The following NETO2 variants were observed in gnomAD, a reference collection of about 807,000 sequenced individuals.
The protein encoded by NETO2 is neuropilin and tolloid like 2, also known as neuropilin and tolloid-like protein 2.
NETO2 carries 28 observed loss-of-function variants against 62.5 expected under a neutral mutation model. The observed-to-expected ratio is 0.45, with a 90% CI of 0.33 to 0.61. The LOEUF (loss-of-function observed/expected upper bound fraction) is 0.61. Among genes scored for constraint, NETO2 ranks in the 20% least tolerant of loss-of-function variants. NETO2 has a pLI of 0.02. For missense variants in NETO2, 548 were observed against 643.2 expected, an observed-to-expected ratio of 0.85 and a Z score of 1.60; for synonymous variants, 214 against 219.1, an observed-to-expected ratio of 0.98 and a Z score of 0.21.
intron 6 of NETO2, among the ~76,000 whole-genome samples, chr16:47,111,057 G>C (rs1263172931): frequency 1.3e-5 from 2 of 152,186 alleles, no homozygotes; most frequent in African/African-American, 2.4e-5. Flanking sequence ...GTTCTCATTA[G>C]TTTTCCATCA....
rs1964070617 is a variant in NETO2, at chr16:47,122,919, C to T, written c.482-7G>A. On this transcript the variant is annotated splice_region_variant and splice_polypyrimidine_tract_variant and intron_variant, in intron 4 of 8. Transcript: ENST00000562435. ...AGGTAAGTAAAGTCTGGATCTGTAA[C>T]AGAAAAAAGAAGAAAGTCATTGGTA... The T allele has an allele frequency of 1.2e-6, 2 of 1,612,126 alleles. No homozygotes were observed. The highest frequency in any genetic ancestry group is 2.7e-5 in the African/African-American group (2 of 74,792).
At chr16:47,132,106 C>A in intron 1 of NETO2, 81 bp from the exon 2 acceptor site, 11 of 1,055,246 alleles carry the variant, frequency 1.0e-5, no homozygotes, top group Admixed American at 8.2e-5. Context: ...AATTGGATGA[C>A]AAAAAAAGAT....
chr16:47,089,551 C>CTTT (rs1555495884), intron 7 of NETO2, among the ~76,000 whole-genome samples: 1 of 152,186 alleles, frequency 6.6e-6, no homozygotes, highest in Non-Finnish European at 1.5e-5. Flanking sequence ...TATCCAGAGA[C>CTTT]TGCTAACCTG....
intron 2 of NETO2, among the ~76,000 whole-genome samples, chr16:47,130,848 C>CTG (rs1430676442): frequency 6.6e-6 from 1 of 152,042 alleles, no homozygotes; most frequent in Non-Finnish European, 1.5e-5. Flanking sequence ...GACTGTAGGA[C>CTG]CTACAGCGCC....
At chr16:47,131,833 T>C (rs1411497159) in intron 2 of NETO2, 136 bp downstream of exon 2, 16 of 705,946 alleles carry the variant, frequency 2.3e-5, no homozygotes, top group Non-Finnish European at 3.8e-5. Flanking sequence ...TTGAGGCTGA[T>C]GGGTTGACAG....
chr16:47,113,245 TC>T (rs2143916749), intron 6 of NETO2, among the ~76,000 whole-genome samples: 2 of 152,346 alleles, frequency 1.3e-5, no homozygotes, highest in South Asian at 4.1e-4. Flanking sequence ...AATTTATACT[TC>T]TAAAGCAAAT....
At chr16:47,143,125 T>C (rs1380736337) in intron 1 of NETO2, among the ~76,000 whole-genome samples, 1 of 152,076 alleles carries the variant, frequency 6.6e-6, no homozygotes, top group Non-Finnish European at 1.5e-5. Flanking sequence ...CGAAAACCAC[T>C]GCACGACGTC....
At chr16:47,120,947 A>C (rs1964026677) in intron 6 of NETO2, among the ~76,000 whole-genome samples, 1 of 151,874 alleles carries the variant, frequency 6.6e-6, no homozygotes, top group Non-Finnish European at 1.5e-5. Context: ...CCGACATGGT[A>C]ACAAGGCTGG....
chr16:47,087,839 G>A lies in NETO2; in HGVS notation c.884-1500C>T, dbSNP rs200202646. On this transcript the variant is annotated intron_variant, in intron 7 of 8. Transcript: ENST00000562435. ...CCTTGCTTCTCTGGGGTAGCCAGTC[G>A]CTCCTGTGTGTTCCTATCACACTCC... Among the ~76,000 whole-genome samples, 3 of 151,924 alleles carry A rather than the reference G, an allele frequency of 2.0e-5. No homozygotes were observed. In the East Asian group the frequency reaches 5.8e-4, roughly 29 times the overall value.
At chr16:47,090,446 T>C (rs1348637084) in intron 7 of NETO2, among the ~76,000 whole-genome samples, 1 of 152,214 alleles carries the variant, frequency 6.6e-6, no homozygotes, top group Non-Finnish European at 1.5e-5. Context: ...AATAAAATGA[T>C]TGAACTATAA....
chr16:47,080,172 C>T lies in NETO2; in HGVS notation c.*3049G>A, dbSNP rs1489984897. The T allele has an allele frequency of 6.6e-6, 1 of 152,238 alleles. No homozygotes were observed. The highest frequency in any genetic ancestry group is 1.5e-5 in the Non-Finnish European group (1 of 68,048). 9.4% of individuals were successfully genotyped at this position (152,238 alleles called of 1,614,324 possible). A position where few individuals can be genotyped will look rare whatever the true frequency, so the allele number is the denominator to read the frequency against. ...CCCACACACAAAAGGAATATCACAT[C>T]TTATTCCTACATGCTTTAGATGTTG... On this transcript the variant is annotated 3_prime_UTR_variant, in exon 9 of 9. Transcript: ENST00000562435.
intron 7 of NETO2, among the ~76,000 whole-genome samples, chr16:47,103,100 C>G (rs1285807163): frequency 6.6e-6 from 1 of 152,136 alleles, no homozygotes; most frequent in East Asian, 1.9e-4. Context: ...CCATGGAATA[C>G]TATGCAGCCA....
In NETO2 at chr16:47,114,379, T is replaced by C. The variant is rs539100412; in HGVS notation, c.655-4668A>G. On this transcript the variant is annotated intron_variant, in intron 6 of 8. Transcript: ENST00000562435. ...CCAGTCAGTGGCTTTTTTTTTTTTT[T>C]CTCACTCAACAGTGTCTTTCACAGA... is the stretch of plus-strand genomic sequence containing the variant. Among the ~76,000 whole-genome samples the C allele has an allele frequency of 1.7e-4, 26 of 150,006 alleles. No individual in the cohort carries two copies. The East Asian group carries it at 4.3e-3, about 25-fold the overall frequency.
At chr16:47,125,364 C>A (rs537498211) in intron 4 of NETO2, among the ~76,000 whole-genome samples, 2,348 of 140,414 alleles carry the variant, frequency 0.017, 55 homozygotes, top group African/African-American at 0.06. Context: ...TTTTTTTTTT[C>A]TGACAGATTC....
intron 7 of NETO2, among the ~76,000 whole-genome samples, chr16:47,107,139 T>A (rs571012465): frequency 2.6e-5 from 4 of 152,018 alleles, no homozygotes; most frequent in Non-Finnish European, 5.9e-5. Context: ...GTCCTTCACA[T>A]AAGAAAAAAT....
rs1215661407 is a variant in NETO2, at chr16:47,139,379, C to A, written c.34+4200G>T. Among the ~76,000 whole-genome samples the A allele has an allele frequency of 3.3e-5, 5 of 152,130 alleles. No homozygotes were observed. In the East Asian group the frequency reaches 7.7e-4, roughly 23 times the overall value. The stretch of plus-strand genomic sequence containing the variant: ...ATTCCCCCCCACCCTCCTGAGATAC[C>A]CTGCCACCACTGTTATTTTCCTCAA... On this transcript the variant is annotated intron_variant, in intron 1 of 8. Coordinates refer to ENST00000562435, the MANE Select transcript of NETO2 (RefSeq NM_018092.5).
intron 1 of NETO2, among the ~76,000 whole-genome samples, chr16:47,136,434 G>C (rs1964362214): frequency 6.6e-6 from 1 of 152,188 alleles, no homozygotes; most frequent in Non-Finnish European, 1.5e-5. Context: ...GATTGAGACA[G>C]TCTCACTCTG....
intron 7 of NETO2, among the ~76,000 whole-genome samples, chr16:47,091,745 G>A (rs981645206): frequency 6.6e-6 from 1 of 152,194 alleles, no homozygotes; most frequent in African/African-American, 2.4e-5. Context: ...TATATGCAAA[G>A]CAGAGGGTGC....
chr16:47,116,147 T>G (rs1276258787), intron 6 of NETO2, among the ~76,000 whole-genome samples: 1 of 151,418 alleles, frequency 6.6e-6, no homozygotes, highest in Non-Finnish European at 1.5e-5. Context: ...TTTCTGTTTT[T>G]TTTTTTTTTT....
Sources: allele counts gnomAD v4.1 joint callset (sites outside exome capture counted in the v4.1 genomes callset), GRCh38; gene constraint gnomAD v4.1.1; transcripts MANE v1.5; gene names NCBI Gene and HGNC (gene_info 2026-07-23, HGNC 2026-07-21).